The following RPA1 variants were observed in gnomAD, a reference collection of about 807,000 sequenced individuals.
The protein encoded by RPA1 is replication protein A1.
In RPA1, 49 loss-of-function variants were observed where a neutral mutation model predicts 83.0. The observed-to-expected ratio is 0.59, with a 90% CI of 0.47 to 0.75. RPA1 has a LOEUF of 0.75. RPA1 is among the 30% of genes least tolerant of loss of function. The probability of loss-of-function intolerance (pLI) is 0.00; values close to 1 mark genes in which losing one functional copy is unlikely to be tolerated. For synonymous variants in RPA1, 279 were observed against 281.8 expected, an observed-to-expected ratio of 0.99 and a Z score of 0.10; for missense variants, 693 against 776.1, an observed-to-expected ratio of 0.89 and a Z score of 1.27.
At chr17:1,863,740 A>C (rs183588245) in intron 5 of RPA1, among the ~76,000 whole-genome samples, 4 of 152,252 alleles carry the variant, frequency 2.6e-5, no homozygotes, top group African/African-American at 9.6e-5. Context: ...TTTTCAAAAC[A>C]TACTTGTAGA....
chr17:1,877,119 G>A (rs1913600140), intron 7 of RPA1, 93 bp from the exon 8 acceptor site: 1 of 1,183,128 alleles, frequency 8.5e-7, no homozygotes, highest in Non-Finnish European at 1.2e-6. Flanking sequence ...AACGGAATAT[G>A]CGTAAGACGA....
intron 1 of RPA1, 74 bp downstream of exon 1, chr17:1,830,200 G>T: frequency 1.7e-6 from 2 of 1,162,172 alleles, no homozygotes; most frequent in South Asian, 4.3e-5. Flanking sequence ...TAGAGAGGGG[G>T]AGGGGAGCCC....
Position 1,831,592 on chromosome 17 carries a change from C to A in RPA1, c.33+1466C>A, listed in dbSNP as rs1911591761. Among the ~76,000 whole-genome samples the A allele has an allele frequency of 2.0e-5, 3 of 151,492 alleles. No individual in the cohort carries two copies. In the South Asian group the frequency reaches 6.2e-4, roughly 31 times the overall value. ...CATACTCCTACCTTCTTCCATGGGG[C>A]CTTTGAACTTTTTTTTTTTTTTTTG... On this transcript the variant is annotated intron_variant, in intron 1 of 16. Transcript: ENST00000254719.
At chr17:1,838,130 A>G (rs1454519477) in intron 1 of RPA1, among the ~76,000 whole-genome samples, 3 of 151,312 alleles carry the variant, frequency 2.0e-5, no homozygotes, top group African/African-American at 4.9e-5. Context: ...CGTCTCTACT[A>G]AAAATACAAA....
intron 1 of RPA1, 135 bp from the exon 2 acceptor site, chr17:1,842,668 T>G (rs1275923395): frequency 2.9e-6 from 2 of 689,716 alleles, no homozygotes; most frequent in Non-Finnish European, 5.0e-6. Flanking sequence ...ATAAACTAGA[T>G]GCTTCAGCTG....
chr17:1,882,073 G>C (rs1913820035), intron 12 of RPA1, among the ~76,000 whole-genome samples: 1 of 152,200 alleles, frequency 6.6e-6, no homozygotes, highest in African/African-American at 2.4e-5. Flanking sequence ...CATTCTGTTA[G>C]ATGGTCTCTG....
intron 6 of RPA1, among the ~76,000 whole-genome samples, chr17:1,874,984 CG>C (rs1297608220): frequency 1.2e-4 from 19 of 152,302 alleles, no homozygotes; most frequent in African/African-American, 4.1e-4. Context: ...ATACGTGGTG[CG>C]TATAAAAGAA....
At chr17:1,849,632 T>A (rs1211115327) in intron 4 of RPA1, among the ~76,000 whole-genome samples, 2 of 151,236 alleles carry the variant, frequency 1.3e-5, no homozygotes, top group Non-Finnish European at 2.9e-5. Context: ...TTTTTTTTTT[T>A]AATTTTACTG....
chr17:1,841,390 G>A (rs372160557), intron 1 of RPA1, among the ~76,000 whole-genome samples: 2 of 152,158 alleles, frequency 1.3e-5, no homozygotes. Flanking sequence ...TGCAACCTCC[G>A]CCTCCTGGGT....
At chr17:1,870,956 A>T (rs1913356696) in intron 5 of RPA1, among the ~76,000 whole-genome samples, 1 of 152,212 alleles carries the variant, frequency 6.6e-6, no homozygotes, top group Non-Finnish European at 1.5e-5. Context: ...TGAAGCAGGT[A>T]AAGATACAGC....
chr17:1,834,514 C>T (rs573193615), intron 1 of RPA1, among the ~76,000 whole-genome samples: 4 of 152,292 alleles, frequency 2.6e-5, no homozygotes, highest in Non-Finnish European at 5.9e-5. Context: ...GTATCATTTT[C>T]GTTCAAAAGA....
chr17:1,851,568 T>A (rs778680404), intron 4 of RPA1, among the ~76,000 whole-genome samples: 24 of 152,238 alleles, frequency 1.6e-4, no homozygotes, highest in Non-Finnish European at 3.1e-4. Context: ...GCTGCTAGGT[T>A]CATCTTGCTG....
At chr17:1,831,821 G>C (rs569053330) in intron 1 of RPA1, among the ~76,000 whole-genome samples, 11 of 150,170 alleles carry the variant, frequency 7.3e-5, no homozygotes, top group Admixed American at 1.3e-4. Flanking sequence ...GGATGGTCTC[G>C]ATCTCCTGAC....
At chr17:1,881,093 G>GT (rs1669326877) in intron 12 of RPA1, among the ~76,000 whole-genome samples, 1 of 152,180 alleles carries the variant, frequency 6.6e-6, no homozygotes, top group African/African-American at 2.4e-5. Flanking sequence ...ACATCTTCTA[G>GT]TGTGTATTCA....
intron 13 of RPA1, among the ~76,000 whole-genome samples, chr17:1,885,262 G>A (rs1053737747): frequency 1.3e-5 from 2 of 152,156 alleles, no homozygotes; most frequent in African/African-American, 2.4e-5. Context: ...CTCCTTATCC[G>A]TTCAAGTTTG....
chr17:1,856,784 A>G (rs1261569928), intron 5 of RPA1, among the ~76,000 whole-genome samples: 2 of 151,546 alleles, frequency 1.3e-5, no homozygotes, highest in Non-Finnish European at 2.9e-5. Context: ...TGCCTGCCTC[A>G]GCCTCCCAAA....
intron 5 of RPA1, among the ~76,000 whole-genome samples, chr17:1,867,000 A>C (rs1913199285): frequency 6.6e-6 from 1 of 152,076 alleles, no homozygotes; most frequent in African/African-American, 2.4e-5. Flanking sequence ...TGGTTTTTAG[A>C]GTGGGAAGAT....
At chr17:1,831,978 G>C (rs1911634465) in intron 1 of RPA1, among the ~76,000 whole-genome samples, 1 of 144,750 alleles carries the variant, frequency 6.9e-6, no homozygotes, top group South Asian at 2.2e-4. Flanking sequence ...CCCCAGGCTG[G>C]AGTGCGGTGG....
At position 1,888,746 on chromosome 17, in the gene RPA1, G is replaced by C; in HGVS notation, c.1446G>C (p.Pro482=). The change falls in exon 14 of 17, where the codon CCG becomes CCC. Residue 482 remains proline (P), a synonymous_variant. Transcript: ENST00000254719. Reference sequence around the variant, plus strand: ...AGAACTGCATGTACCAAGCCTGCCCGACTCAGGACTGCAATAAGAAAGTGA... The same window carrying C: ...AGAACTGCATGTACCAAGCCTGCCCCACTCAGGACTGCAATAAGAAAGTGA... ...RKENCMYQAC[P]TQDCNKKVID... is the part of the protein sequence containing the mutation. The C allele has an allele frequency of 1.9e-6, 3 of 1,614,204 alleles. No homozygotes were observed. Among genetic ancestry groups the C allele is most frequent in the Non-Finnish European group, 2.5e-6 (3 of 1,180,032 alleles).
Sources: allele counts gnomAD v4.1 joint callset (sites outside exome capture counted in the v4.1 genomes callset), GRCh38; gene constraint gnomAD v4.1.1; transcripts MANE v1.5; gene names NCBI Gene and HGNC (gene_info 2026-07-23, HGNC 2026-07-21).